Variants in NID2 observed in about 807,000 individuals in gnomAD.
NID2 encodes the protein nidogen 2, also known as nidogen-2.
A neutral mutation model predicts 145.4 loss-of-function variants in NID2; 83 were observed. The observed-to-expected ratio is 0.57, with a 90% CI of 0.48 to 0.69. The LOEUF is 0.69. Among genes scored for constraint, NID2 ranks in the 30% least tolerant of loss-of-function variants. The pLI, the probability that NID2 is intolerant of heterozygous loss-of-function variation, is 0.00. For synonymous variants in NID2, 739 were observed against 701.3 expected, an observed-to-expected ratio of 1.05 and a Z score of -0.85; for missense variants, 1,807 against 1,765.7, an observed-to-expected ratio of 1.02 and a Z score of -0.42.
rs1934999721 is a variant in NID2, at chr14:52,053,914, G to A, written c.1094C>T (p.Thr365Ile). 1.9e-6 allele frequency: 3 copies of A among 1,613,860 alleles called. No homozygotes were observed. The highest frequency in any genetic ancestry group is 1.1e-5 in the South Asian group (1 of 91,058). The change falls in exon 5 of 22, where the codon ACC becomes ATC. Residue 365 changes from threonine to isoleucine, a missense_variant. Physicochemically the swap from Thr to Ile is moderately conservative, Grantham distance 89. Coordinates refer to ENST00000216286, the MANE Select transcript of NID2 (RefSeq NM_007361.4). ...LEESSTLDPHTKEGTSLGEVG... is the reference protein window; with the variant it reads ...LEESSTLDPHIKEGTSLGEVG... ...CTCTCCCAGAGATGTTCCTTCTTTG[G>A]TGTGAGGATCCAAGGTGGAAGATTC...
At chr14:52,053,199 A>C (rs1425986447) in intron 5 of NID2, among the ~76,000 whole-genome samples, 4 of 152,230 alleles carry the variant, frequency 2.6e-5, no homozygotes, top group African/African-American at 9.6e-5. Flanking sequence ...CACTTTAAAA[A>C]GCACAAACCC....
chr14:52,038,413 G>A (rs530968185), intron 9 of NID2, among the ~76,000 whole-genome samples: 39 of 152,158 alleles, frequency 2.6e-4, no homozygotes, highest in Non-Finnish European at 5.0e-4. Flanking sequence ...CATCACACTT[G>A]TAACAAATAC....
rs550068538 is a variant in NID2 at position 52,011,120 on chromosome 14, C to T, written c.3551-73G>A. On this transcript the variant is annotated intron_variant, in intron 17 of 21. Transcript: ENST00000216286. ...GGCAAACCTGAAGCCCTCCAACGGTCGGGTGGGCAGGGGGGTCAGCAGGGG... is the reference window on the plus strand; with the variant it reads ...GGCAAACCTGAAGCCCTCCAACGGTTGGGTGGGCAGGGGGGTCAGCAGGGG... The T allele has an allele frequency of 6.0e-4, 888 of 1,487,108 alleles. 4 individuals are homozygous for T. The highest frequency in any genetic ancestry group is 3.0e-4 in the Non-Finnish European group (325 of 1,082,462). The allele number at this position is 1,487,108 out of a possible 1,614,324, so 92.1% of individuals were successfully genotyped here.
chr14:52,067,917 T>A lies in NID2; in HGVS notation c.475A>T (p.Thr159Ser), dbSNP rs749537633. 5 of 1,612,566 alleles carry A rather than the reference T, an allele frequency of 3.1e-6. No homozygotes were observed. In the South Asian group the frequency reaches 3.3e-5, roughly 11 times the overall value. The change falls in exon 2 of 22, where the codon ACC becomes TCC. Residue 159 changes from threonine (T) to serine (S), a missense_variant. Thr to Ser is a moderately conservative substitution (Grantham distance 58, BLOSUM62 1). Coordinates refer to ENST00000216286, the MANE Select transcript of NID2 (RefSeq NM_007361.4). ...TCGTAAGCGCCTACCTGCTCCCAGG[T>A]GGCCAGGAAGGCGTGGGTGGGGGTA... is the stretch of plus-strand genomic sequence containing the variant. Reference protein sequence around the residue: ...RFTPTHAFLATWEQVGAYEEV... With the variant: ...RFTPTHAFLASWEQVGAYEEV...
At chr14:52,068,694 G>C (rs1893312935) in intron 1 of NID2, 73 bp downstream of exon 1, 2 of 1,360,174 alleles carry the variant, frequency 1.5e-6, no homozygotes, top group Non-Finnish European at 2.0e-6. Context: ...CTCCCCTCTG[G>C]AGGCAGGGTT....
chr14:52,035,782 A>G (rs992863714), intron 9 of NID2, among the ~76,000 whole-genome samples: 13 of 150,868 alleles, frequency 8.6e-5, no homozygotes, highest in Non-Finnish European at 1.9e-4. Context: ...GGGTTCAATC[A>G]GTTCTCCTGT....
intron 12 of NID2, among the ~76,000 whole-genome samples, chr14:52,024,494 G>A (rs113452096): frequency 9.9e-5 from 15 of 152,264 alleles, no homozygotes; most frequent in African/African-American, 3.6e-4. Flanking sequence ...TAAGCCTTCA[G>A]ATGAGACCAC....
At position 52,053,918 on chromosome 14, in the gene NID2, G is replaced by C; in HGVS notation, c.1090C>G (p.His364Asp). The C allele has an allele frequency of 6.2e-7, 1 of 1,613,896 alleles. No individual in the cohort carries two copies. Among genetic ancestry groups the C allele is most frequent in the South Asian group, 1.1e-5 (1 of 91,066 alleles). The part of the protein sequence containing the change: ...PLEESSTLDP[H>D]TKEGTSLGEV... ...CCCAGAGATGTTCCTTCTTTGGTGTGAGGATCCAAGGTGGAAGATTCTGTT... is the reference window on the plus strand; with the variant it reads ...CCCAGAGATGTTCCTTCTTTGGTGTCAGGATCCAAGGTGGAAGATTCTGTT... Residue 364 changes from histidine to aspartate, a missense_variant, in exon 5 of 22, where the codon CAC (histidine) becomes GAC (aspartate). Transcript: ENST00000216286.
chr14:52,011,449 T>C (rs2140347324), intron 17 of NID2, 105 bp downstream of exon 17: 1 of 1,440,630 alleles, frequency 6.9e-7, no homozygotes, highest in African/African-American at 1.4e-5. Flanking sequence ...GCCTAGAACT[T>C]AACCTCCCCT....
In NID2 at chr14:52,054,077, C is replaced by T; in HGVS notation, c.1012G>A (p.Gly338Ser). 6.2e-7 allele frequency: 1 copy of T among 1,614,212 alleles called. No homozygotes were observed. Among genetic ancestry groups the T allele is most frequent in the East Asian group, 2.2e-5 (1 of 44,894 alleles). ...LPGEPEEALN[G>S]HSSIDVSFQS... is the part of the protein sequence containing the mutation. ...AAGGAAACATCAATGCTGCTGTGGC[C>T]ATTCAATGCCTCCTCTGGTTCACCC... Residue 338 changes from glycine (G) to serine (S), a missense_variant, in exon 4 of 22, where the codon GGC becomes AGC. Physicochemically the swap from Gly to Ser is moderately conservative, Grantham distance 56. Coordinates refer to ENST00000216286, the MANE Select transcript of NID2 (RefSeq NM_007361.4).
intron 5 of NID2, among the ~76,000 whole-genome samples, chr14:52,046,341 A>ATC (rs11471749): frequency 8.1e-6 from 1 of 123,172 alleles, no homozygotes. Flanking sequence ...AAAAAAAAAA[A>ATC]AGCCGTTTTC....
rs777981947 is a variant in NID2 at position 52,068,754 on chromosome 14, G to C, written c.228+13C>G. On this transcript the variant is annotated intron_variant, in intron 1 of 21. Coordinates refer to ENST00000216286, the MANE Select transcript of NID2 (RefSeq NM_007361.4). ...AAGCTGCGGGAAAAGTGCCAGGAGG[G>C]GGCTGAACTTACGTAGAGGTTGCTG... 6.3e-6 allele frequency: 10 copies of C among 1,593,038 alleles called. No homozygotes were observed. The highest frequency in any genetic ancestry group is 8.5e-6 in the Non-Finnish European group (10 of 1,172,762).
At chr14:52,039,603 C>T (rs1425286237) in intron 8 of NID2, among the ~76,000 whole-genome samples, 1 of 152,200 alleles carries the variant, frequency 6.6e-6, no homozygotes, top group Non-Finnish European at 1.5e-5. Flanking sequence ...GTCTTCCCTA[C>T]ATCTCCTGCC....
At chr14:52,021,667 A>G (rs2073626) in intron 12 of NID2, among the ~76,000 whole-genome samples, 19,459 of 152,198 alleles carry the variant, frequency 0.13, 1,291 homozygotes, top group East Asian at 0.17. Flanking sequence ...TCTGAACTCA[A>G]TGCAACCCAT....
chr14:52,061,804 C>T (rs1893028868), intron 2 of NID2, among the ~76,000 whole-genome samples: 2 of 152,214 alleles, frequency 1.3e-5, no homozygotes, highest in African/African-American at 4.8e-5. Flanking sequence ...GATCTGTGAA[C>T]AGTGCTTGAT....
chr14:52,019,424 T>TA (rs2140360682), intron 13 of NID2, 130 bp from the exon 14 acceptor site: 1 of 655,410 alleles, frequency 1.5e-6, no homozygotes, highest in East Asian at 2.8e-5. Context: ...TATTTTATAA[T>TA]ACCTTGCCAC....
Position 52,007,512 on chromosome 14 carries a change from CACTTA to C in NID2, c.3880+293_3880+297del, listed in dbSNP as rs1409003744. Reference sequence around the variant, plus strand: ...CCCTCTCCCCGCATAAGAATAACTTCACTTAAGTTTGTCAATTCAACAATGGCTAA... The same window carrying C: ...CCCTCTCCCCGCATAAGAATAACTTCAGTTTGTCAATTCAACAATGGCTAA... On this transcript the variant is annotated intron_variant, in intron 19 of 21. Transcript: ENST00000216286. The C allele has an allele frequency of 9.6e-5, 34 of 353,814 alleles. 1 individual carries two copies. The East Asian group carries it at 2.5e-3, about 26-fold the overall frequency. 21.9% of individuals were successfully genotyped at this position (353,814 alleles called of 1,614,324 possible). A position where few individuals can be genotyped will look rare whatever the true frequency, so the allele number is the denominator to read the frequency against.
intron 2 of NID2, among the ~76,000 whole-genome samples, chr14:52,061,522 A>C (rs898354464): frequency 3.3e-5 from 5 of 152,138 alleles, no homozygotes; most frequent in Non-Finnish European, 7.3e-5. Context: ...AAATGGTAGG[A>C]GAGTCACTGG....
chr14:52,038,860 T>C lies in NID2; in HGVS notation c.2144A>G (p.His715Arg), dbSNP rs919368435. The C allele has an allele frequency of 4.3e-6, 7 of 1,613,856 alleles. No individual in the cohort carries two copies. The highest frequency in any genetic ancestry group is 5.9e-6 in the Non-Finnish European group (7 of 1,179,934). Reference protein sequence around the residue: ...TYQVCRHAPRHPSFPTTQQLN... With the variant: ...TYQVCRHAPRRPSFPTTQQLN... ...CTGCTGGGTGGTGGGGAAGGACGGG[T>C]GTCTGGGGGCGTGCCTGCACACCTG... The change falls in exon 9 of 22, where the codon CAC (histidine) becomes CGC (arginine). Residue 715 changes from histidine to arginine, a missense_variant. Physicochemically the swap from His to Arg is conservative, Grantham distance 29. Coordinates refer to ENST00000216286, the MANE Select transcript of NID2 (RefSeq NM_007361.4).
Sources: allele counts gnomAD v4.1 joint callset (sites outside exome capture counted in the v4.1 genomes callset), GRCh38; gene constraint gnomAD v4.1.1; transcripts MANE v1.5; gene names NCBI Gene and HGNC (gene_info 2026-07-23, HGNC 2026-07-21).